The following KIDINS220 variants were observed in gnomAD, a reference collection of about 807,000 sequenced individuals.
KIDINS220 encodes kinase D-interacting substrate of 220 kDa.
Under a neutral mutation model 157.6 loss-of-function variants are expected in KIDINS220, and 63 were observed. That is an observed-to-expected ratio of 0.40 (90% confidence interval 0.33 to 0.49). The LOEUF is 0.49. Among genes scored for constraint, KIDINS220 ranks in the 20% least tolerant of loss-of-function variants. The pLI is 0.66. For synonymous variants in KIDINS220, 732 were observed against 783.6 expected (o/e 0.93, Z 1.10); for missense variants, 1,772 against 2,171.2 (o/e 0.82, Z 3.65).
intron 22 of KIDINS220, chr2:8,757,528 T>C: frequency 2.1e-6 from 3 of 1,444,006 alleles, no homozygotes; most frequent in African/African-American, 1.4e-5. Flanking sequence ...TGCTCTTTAA[T>C]GTTTCAACTA....
At chr2:8,827,765 T>C (rs190452185) in intron 1 of KIDINS220, among the ~76,000 whole-genome samples, 198 of 152,334 alleles carry the variant, frequency 1.3e-3, no homozygotes, top group African/African-American at 4.6e-3. Context: ...CCACAATGGA[T>C]ACATGTATCA....
At chr2:8,821,402 C>T (rs577164439) in intron 2 of KIDINS220, among the ~76,000 whole-genome samples, 70 of 151,736 alleles carry the variant, frequency 4.6e-4, no homozygotes, top group African/African-American at 1.7e-3. Flanking sequence ...AATCCCACAA[C>T]GGTGCCCTGG....
intron 13 of KIDINS220, among the ~76,000 whole-genome samples, chr2:8,790,462 A>G (rs533324627): frequency 8.7e-4 from 132 of 152,322 alleles, no homozygotes; most frequent in Middle Eastern, 3.4e-3. Flanking sequence ...TATCACCACC[A>G]TTCCACTGTG....
At chr2:8,745,181 C>A (rs562056151) in intron 26 of KIDINS220, among the ~76,000 whole-genome samples, 1 of 152,222 alleles carries the variant, frequency 6.6e-6, no homozygotes, top group Non-Finnish European at 1.5e-5. Flanking sequence ...CCATTAACTT[C>A]TTCACAGTAT....
chr2:8,749,190 A>C (rs188214354), intron 24 of KIDINS220, among the ~76,000 whole-genome samples: 10 of 152,322 alleles, frequency 6.6e-5, no homozygotes, highest in African/African-American at 2.4e-4. Flanking sequence ...CAAAAACTGA[A>C]AGTTTAAATT....
chr2:8,743,800 A>G (rs1665965962), intron 26 of KIDINS220, among the ~76,000 whole-genome samples: 1 of 152,142 alleles, frequency 6.6e-6, no homozygotes, highest in Admixed American at 6.5e-5. Context: ...TTCTGCTTTT[A>G]TTGGTTTTAC....
In KIDINS220 at chr2:8,738,027, C is replaced by T. The variant is rs142706386; in HGVS notation, c.3586-1028G>A. 1.1e-3 allele frequency among the ~76,000 whole-genome samples: 163 copies of T among 152,288 alleles called. 3 individuals carry two copies. The East Asian group carries it at 0.03, about 28-fold the overall frequency. On this transcript the variant is annotated intron_variant, in intron 26 of 29. Transcript: ENST00000256707. The stretch of plus-strand genomic sequence containing the variant: ...CTTTCAAATGCTTTTATTCCTCAAC[C>T]AGTCTCCTTGCTCTGGATACAGTTA...
Position 8,818,578 on chromosome 2 carries a change from G to C in KIDINS220, c.207+117C>G. 8.2e-6 allele frequency: 5 copies of C among 609,724 alleles called. No individual in the cohort carries two copies. In the South Asian group the frequency reaches 9.0e-5, roughly 11 times the overall value. The allele number at this position is 609,724 out of a possible 1,614,324, so 37.8% of individuals were successfully genotyped here. ...TAAAAAAAACTGATATAGCCCACTA[G>C]GCAAAGTTGAAATATATGTAAAAGT... On this transcript the variant is annotated intron_variant, in intron 3 of 29. Coordinates refer to ENST00000256707, the MANE Select transcript of KIDINS220 (RefSeq NM_020738.4).
At chr2:8,757,877 T>G in intron 22 of KIDINS220, 1 of 1,192,312 alleles carries the variant, frequency 8.4e-7, no homozygotes, top group Non-Finnish European at 1.2e-6. Context: ...TGGTTTTGTT[T>G]TTAAGATGGA....
chr2:8,824,923 CA>C (rs1678524361), intron 2 of KIDINS220, among the ~76,000 whole-genome samples: 1 of 151,954 alleles, frequency 6.6e-6, no homozygotes, highest in South Asian at 2.1e-4. Flanking sequence ...AAGCCAGTGA[CA>C]AAAAGACAAA....
chr2:8,832,420 A>T (rs1451573532), intron 1 of KIDINS220, among the ~76,000 whole-genome samples: 3 of 152,248 alleles, frequency 2.0e-5, no homozygotes, highest in Admixed American at 6.5e-5. Context: ...TGATACACAC[A>T]ATAGTAAAAC....
chr2:8,767,554 C>T (rs1669639299), intron 22 of KIDINS220, among the ~76,000 whole-genome samples: 1 of 151,982 alleles, frequency 6.6e-6, no homozygotes, highest in African/African-American at 2.4e-5. Context: ...AACTTAAGTC[C>T]ACATGCAAAA....
intron 13 of KIDINS220, among the ~76,000 whole-genome samples, chr2:8,790,360 G>A (rs1002635296): frequency 6.6e-6 from 1 of 151,950 alleles, no homozygotes; most frequent in African/African-American, 2.4e-5. Flanking sequence ...TGTTTTTTGT[G>A]GTTTGCATTA....
At chr2:8,776,300 G>A (rs953324118) in intron 21 of KIDINS220, among the ~76,000 whole-genome samples, 18 of 152,016 alleles carry the variant, frequency 1.2e-4, no homozygotes, top group Admixed American at 7.9e-4. Flanking sequence ...TGAGCAAGGA[G>A]GAATTCACAA....
At chr2:8,836,956 G>C (rs1680502090) in intron 1 of KIDINS220, among the ~76,000 whole-genome samples, 1 of 152,326 alleles carries the variant, frequency 6.6e-6, no homozygotes, top group South Asian at 2.1e-4. Context: ...TCTTGGAGGC[G>C]TGGAAATCAA....
At chr2:8,800,053 T>A (rs905786848) in intron 9 of KIDINS220, among the ~76,000 whole-genome samples, 5 of 151,690 alleles carry the variant, frequency 3.3e-5, no homozygotes, top group African/African-American at 1.2e-4. Context: ...GAGAAAACAC[T>A]AAAAAAAATA....
intron 29 of KIDINS220, among the ~76,000 whole-genome samples, chr2:8,732,960 AG>A (rs1664354837): frequency 2.0e-5 from 3 of 152,116 alleles, no homozygotes; most frequent in African/African-American, 7.2e-5. Context: ...GAATCTCCAA[AG>A]GAAGAACGCG....
chr2:8,744,401 A>ATCTATAT (rs57838968), intron 26 of KIDINS220, among the ~76,000 whole-genome samples: 2 of 7,026 alleles, frequency 2.8e-4, no homozygotes, highest in Admixed American at 3.1e-3. Context: ...ATATATATAT[A>ATCTATAT]ATATATATAT....
intron 15 of KIDINS220, among the ~76,000 whole-genome samples, chr2:8,786,771 T>C (rs1672457052): frequency 6.6e-6 from 1 of 152,190 alleles, no homozygotes. Flanking sequence ...ACTCTAACCC[T>C]GAAAAAATAT....
Sources: gnomAD v4.1 joint callset for allele counts (sites outside exome capture counted in the v4.1 genomes callset) on GRCh38, gnomAD v4.1.1 for gene constraint, MANE v1.5 for transcripts, NCBI Gene and HGNC (gene_info 2026-07-23, HGNC 2026-07-21) for gene names.